The following GRM1 variants were observed in gnomAD, a reference collection of about 807,000 sequenced individuals.
GRM1 encodes the protein metabotropic glutamate receptor 1.
Under a neutral mutation model 90.9 loss-of-function variants are expected in GRM1, and 33 were observed. The ratio of observed to expected loss-of-function variants is 0.36; its 90% CI spans 0.28 to 0.49. The LOEUF (loss-of-function observed/expected upper bound fraction) is 0.49, where lower values mean the gene tolerates loss of function less well. Ranked by LOEUF, GRM1 falls within the 20% of genes least tolerant of loss-of-function variation. The pLI is 0.99. For missense variants in GRM1, 1,190 were observed against 1,534.3 expected (o/e 0.78, Z 3.75); for synonymous variants, 700 against 613.2 (o/e 1.14, Z -2.09).
At chr6:146,044,807 G>A (rs1449259397) in intron 1 of GRM1, among the ~76,000 whole-genome samples, 1 of 151,936 alleles carries the variant, frequency 6.6e-6, no homozygotes, top group African/African-American at 2.4e-5. Context: ...AAAATCGAGT[G>A]AGTGATTAAT....
intron 1 of GRM1, among the ~76,000 whole-genome samples, chr6:146,155,538 A>G (rs1777494971): frequency 6.6e-6 from 1 of 152,206 alleles, no homozygotes; most frequent in African/African-American, 2.4e-5. Context: ...TTGAGATAAA[A>G]GCATGGGGAA....
At chr6:146,174,770 A>C (rs945238225) in intron 2 of GRM1, among the ~76,000 whole-genome samples, 1 of 152,190 alleles carries the variant, frequency 6.6e-6, no homozygotes, top group Non-Finnish European at 1.5e-5. Flanking sequence ...CTTTCTGTGG[A>C]GAAAGACTTG....
chr6:146,042,663 A>G (rs1016896453), intron 1 of GRM1, among the ~76,000 whole-genome samples: 1 of 152,040 alleles, frequency 6.6e-6, no homozygotes, highest in Admixed American at 6.6e-5. Context: ...GGTCAAATAC[A>G]AATAGAGCAT....
intron 1 of GRM1, among the ~76,000 whole-genome samples, chr6:146,154,183 C>T (rs4629704): frequency 0.26 from 38,784 of 152,076 alleles, 8,821 homozygotes; most frequent in African/African-American, 0.62. Context: ...AAAATCTTTT[C>T]TTTATTGAAG....
intron 2 of GRM1, among the ~76,000 whole-genome samples, chr6:146,250,281 T>C (rs1400167091): frequency 2.0e-5 from 3 of 152,254 alleles, no homozygotes; most frequent in Admixed American, 6.5e-5. Context: ...TAGAATAGTA[T>C]TGTTTGGCTC....
intron 2 of GRM1, among the ~76,000 whole-genome samples, chr6:146,187,738 C>CATATATATATATATATATATATAT (rs10656760): frequency 8.8e-5 from 13 of 148,516 alleles, no homozygotes; most frequent in African/African-American, 3.2e-4. Context: ...AGGCACAAAA[C>CATATATATATATATATATATATAT]ATATATATAT....
At chr6:146,228,513 G>A (rs1583193382) in intron 2 of GRM1, among the ~76,000 whole-genome samples, 1 of 152,258 alleles carries the variant, frequency 6.6e-6, no homozygotes, top group African/African-American at 2.4e-5. Context: ...TGCTGTTACA[G>A]TGGCAATGAA....
At chr6:146,097,751 T>C (rs1312335327) in intron 1 of GRM1, among the ~76,000 whole-genome samples, 1 of 152,238 alleles carries the variant, frequency 6.6e-6, no homozygotes, top group Non-Finnish European at 1.5e-5. Context: ...CCCAAGGAGC[T>C]TGTTCAAATT....
rs1583011548 is a variant in GRM1, at chr6:146,107,396, T to G, written c.701-51952T>G. Among the ~76,000 whole-genome samples the G allele has an allele frequency of 2.0e-5, 3 of 152,126 alleles. No homozygotes were observed. In the South Asian group the frequency reaches 6.2e-4, roughly 32 times the overall value. On this transcript the variant is annotated intron_variant, in intron 1 of 7. Coordinates refer to ENST00000282753, the MANE Select transcript of GRM1 (RefSeq NM_001278064.2). Reference sequence around the variant, plus strand: ...TTTATGGTTTTAACATTCCTTGACTTACTTACAACGCTTTCAGACACTGAA... The same window carrying G: ...TTTATGGTTTTAACATTCCTTGACTGACTTACAACGCTTTCAGACACTGAA...
At chr6:146,115,974 A>G (rs1775730549) in intron 1 of GRM1, among the ~76,000 whole-genome samples, 1 of 152,136 alleles carries the variant, frequency 6.6e-6, no homozygotes. Context: ...TATTTGTTTC[A>G]TTTAAAATAT....
intron 5 of GRM1, among the ~76,000 whole-genome samples, chr6:146,373,363 G>A (rs1441096024): frequency 6.6e-6 from 1 of 152,176 alleles, no homozygotes; most frequent in African/African-American, 2.4e-5. Context: ...AGAAGGTGAA[G>A]TGGAAGCAGG....
chr6:146,040,015 G>T (rs894505221), intron 1 of GRM1, among the ~76,000 whole-genome samples: 1 of 151,932 alleles, frequency 6.6e-6, no homozygotes, highest in Non-Finnish European at 1.5e-5. Flanking sequence ...AAAATATCTG[G>T]TTAAAACCAT....
chr6:146,297,212 G>A lies in GRM1; in HGVS notation c.951-7399G>A, dbSNP rs187456478. 5.3e-5 allele frequency among the ~76,000 whole-genome samples: 8 copies of A among 151,466 alleles called. No homozygotes were observed. In the East Asian group the frequency reaches 1.6e-3, roughly 29 times the overall value. On this transcript the variant is annotated intron_variant, in intron 2 of 7. Transcript: ENST00000282753. Reference sequence around the variant, plus strand: ...GTCTCACTCTTTCGCTCAGGCTGGAGTACAGTGGCGCGATCTCAGCTCACT... The same window carrying A: ...GTCTCACTCTTTCGCTCAGGCTGGAATACAGTGGCGCGATCTCAGCTCACT...
intron 7 of GRM1, among the ~76,000 whole-genome samples, chr6:146,419,271 G>T (rs1457623916): frequency 6.6e-6 from 1 of 152,162 alleles, no homozygotes; most frequent in African/African-American, 2.4e-5. Context: ...AAAGAATTCT[G>T]ATGAGACTTT....
At chr6:146,383,758 C>G (rs1332634434) in intron 5 of GRM1, among the ~76,000 whole-genome samples, 1 of 151,936 alleles carries the variant, frequency 6.6e-6, no homozygotes, top group African/African-American at 2.4e-5. Context: ...TAAAGTATGG[C>G]AATAATTAGA....
At chr6:146,119,285 G>A (rs1775888185) in intron 1 of GRM1, among the ~76,000 whole-genome samples, 2 of 152,114 alleles carry the variant, frequency 1.3e-5, no homozygotes, top group African/African-American at 4.8e-5. Context: ...TTTTGATGGG[G>A]TTGTTTGTTT....
rs1009294619 is a variant in GRM1 at position 146,392,729 on chromosome 6, G to A, written c.1729+5713G>A. ...GTCTCTGGCGTATGATGTTCCCCTC[G>A]CTATGCCCATATGTTCTCATTGTTC... On this transcript the variant is annotated intron_variant, in intron 6 of 7. Coordinates refer to ENST00000282753, the MANE Select transcript of GRM1 (RefSeq NM_001278064.2). 5.9e-5 allele frequency among the ~76,000 whole-genome samples: 9 copies of A among 152,022 alleles called. No individual in the cohort carries two copies. The East Asian group carries it at 1.4e-3, about 23-fold the overall frequency.
chr6:146,247,226 A>G (rs1781091504), intron 2 of GRM1, among the ~76,000 whole-genome samples: 1 of 152,104 alleles, frequency 6.6e-6, no homozygotes, highest in African/African-American at 2.4e-5. Context: ...CTCATTCTAA[A>G]TTCTCTGGGG....
At chr6:146,043,470 T>C (rs531351872) in intron 1 of GRM1, among the ~76,000 whole-genome samples, 10 of 152,058 alleles carry the variant, frequency 6.6e-5, no homozygotes, top group African/African-American at 2.2e-4. Flanking sequence ...GTTGAAGATA[T>C]TGCCTGTGCT....
Sources: allele counts gnomAD v4.1 joint callset (sites outside exome capture counted in the v4.1 genomes callset), GRCh38; gene constraint gnomAD v4.1.1; transcripts MANE v1.5; gene names NCBI Gene and HGNC (gene_info 2026-07-23, HGNC 2026-07-21).